Variants in LRP2 observed in about 807,000 individuals in gnomAD.
LRP2 encodes the protein LDL receptor related protein 2, also known as low-density lipoprotein receptor-related protein 2.
Under a neutral mutation model 531.0 loss-of-function variants are expected in LRP2, and 172 were observed. That is an observed-to-expected ratio of 0.32 (90% CI 0.29 to 0.37). LRP2 has a LOEUF of 0.37. Among genes scored for constraint, LRP2 ranks in the 10% least tolerant of loss-of-function variants. The pLI is 1.00. For missense variants in LRP2, 5,167 were observed against 5,868.3 expected, an observed-to-expected ratio of 0.88 and a Z score of 3.90; for synonymous variants, 1,992 against 2,027.6, an observed-to-expected ratio of 0.98 and a Z score of 0.47.
chr2:169,320,366 A>C (rs1302264634), intron 2 of LRP2, among the ~76,000 whole-genome samples: 3 of 152,220 alleles, frequency 2.0e-5, no homozygotes, highest in Non-Finnish European at 4.4e-5. Context: ...TCCTTTACAT[A>C]AAAATGGACT....
chr2:169,314,436 A>AAT (rs1553513246), intron 3 of LRP2, among the ~76,000 whole-genome samples: 1 of 151,960 alleles, frequency 6.6e-6, no homozygotes, highest in Admixed American at 6.5e-5. Context: ...AAAAAAAAAA[A>AAT]ATATGTAAAA....
chr2:169,295,897 T>C (rs1170891601), intron 4 of LRP2, among the ~76,000 whole-genome samples: 1 of 152,178 alleles, frequency 6.6e-6, no homozygotes, highest in Non-Finnish European at 1.5e-5. Context: ...TTTGTAGTGA[T>C]TATCAGGTCA....
Position 169,256,155 on chromosome 2 carries a change from C to T in LRP2, c.2721G>A (p.Leu907=), listed in dbSNP as rs766111678. 12 of 1,612,886 alleles carry T rather than the reference C, an allele frequency of 7.4e-6. No homozygotes were observed. The African/African-American group carries it at 1.5e-4, about 20-fold the overall frequency. Residue 907 remains leucine (L), a synonymous_variant, in exon 19 of 79, where the codon CTG becomes CTA. Transcript: ENST00000649046. ...GATGTGTCATCTGCTCTATATGGCCCAGTCTTCTTCTGTCTAAACCATCAA... is the reference window on the plus strand; with the variant it reads ...GATGTGTCATCTGCTCTATATGGCCTAGTCTTCTTCTGTCTAAACCATCAA... ...STFDGLDRRR[L]GHIEQMTHPF...
intron 1 of LRP2, among the ~76,000 whole-genome samples, chr2:169,321,211 G>A (rs190961856): frequency 3.7e-4 from 56 of 151,980 alleles, no homozygotes; most frequent in African/African-American, 1.3e-3. Flanking sequence ...TTTTCCTAAG[G>A]AACTAATCAA....
intron 7 of LRP2, among the ~76,000 whole-genome samples, 173 bp downstream of exon 7, chr2:169,292,080 C>T (rs1195478961): frequency 6.6e-6 from 1 of 152,138 alleles, no homozygotes; most frequent in Non-Finnish European, 1.5e-5. Flanking sequence ...GAGAAGTTAG[C>T]GCAGTCACCT....
At position 169,213,642 on chromosome 2, in the gene LRP2, G is replaced by A. The variant is rs17848168; in HGVS notation, c.6040+15C>T. ...ATTATACACCCATGAATGTATTTCA[G>A]TGACAAATACTTACTGCGTCTGTGA... On this transcript the variant is annotated intron_variant, in intron 36 of 78. Transcript: ENST00000649046. 0.033 allele frequency: 53,233 copies of A among 1,592,960 alleles called. 1,233 individuals are homozygous for A. Among genetic ancestry groups the A allele is most frequent in the South Asian group, 0.077 (7,013 of 90,612 alleles).
chr2:169,355,337 C>T (rs560455338), intron 1 of LRP2, among the ~76,000 whole-genome samples: 2 of 152,164 alleles, frequency 1.3e-5, no homozygotes, highest in Non-Finnish European at 2.9e-5. Flanking sequence ...TCTTCACATA[C>T]AAAATGAAAA....
chr2:169,303,182 A>G (rs1684328506), intron 4 of LRP2, among the ~76,000 whole-genome samples: 2 of 152,182 alleles, frequency 1.3e-5, no homozygotes, highest in South Asian at 4.1e-4. Context: ...CTTCTTTTGT[A>G]TATGTTAAAA....
chr2:169,148,024 G>T lies in LRP2; in HGVS notation c.12591-1065C>A, dbSNP rs145909165. Among the ~76,000 whole-genome samples the T allele has an allele frequency of 6.5e-3, 983 of 152,198 alleles. 10 individuals are homozygous for T. The highest frequency in any genetic ancestry group is 0.022 in the African/African-American group (903 of 41,514). ...TATTTGGCCCACCAGCCGCTGCTTT[G>T]CAGCCTGTAGTCTAAACCAGTCATC... On this transcript the variant is annotated intron_variant, in intron 68 of 78. Transcript: ENST00000649046.
intron 75 of LRP2, among the ~76,000 whole-genome samples, chr2:169,138,294 A>G (rs1341220777): frequency 6.6e-6 from 1 of 152,196 alleles, no homozygotes; most frequent in East Asian, 1.9e-4. Flanking sequence ...ACCACCCTCA[A>G]AAAAACCAGA....
At chr2:169,359,782 A>G (rs1039963902) in intron 1 of LRP2, among the ~76,000 whole-genome samples, 3 of 152,152 alleles carry the variant, frequency 2.0e-5, no homozygotes, top group Non-Finnish European at 4.4e-5. Context: ...GGGAACCTCA[A>G]ACATGGACAG....
chr2:169,237,259 T>A lies in LRP2; in HGVS notation c.4535A>T (p.Glu1512Val). The change falls in exon 28 of 79, where the codon GAA becomes GTA. Residue 1512 changes from glutamate (E) to valine (V), a missense_variant. Glu to Val is a moderately radical substitution (Grantham distance 121). Coordinates refer to ENST00000649046, the MANE Select transcript of LRP2 (RefSeq NM_004525.3). Reference protein sequence around the residue: ...VVFDSSIILTETIAIDWVGRN... With the variant: ...VVFDSSIILTVTIAIDWVGRN... ...ACCTACCCAATCTATTGCAATAGTT[T>A]CAGTCAAGATGATGCTACTGTCAAA... 6.2e-7 allele frequency: 1 copy of A among 1,613,788 alleles called. No homozygotes were observed. Among genetic ancestry groups the A allele is most frequent in the Non-Finnish European group, 8.5e-7 (1 of 1,179,804 alleles).
At chr2:169,178,157 C>A in intron 52 of LRP2, 131 bp from the exon 53 acceptor site, 1 of 713,510 alleles carries the variant, frequency 1.4e-6, no homozygotes. Context: ...ATCCTCAAAA[C>A]TCCTAGTCTT....
intron 16 of LRP2, among the ~76,000 whole-genome samples, chr2:169,263,193 T>G (rs1419735287): frequency 6.6e-6 from 1 of 152,092 alleles, no homozygotes; most frequent in East Asian, 1.9e-4. Flanking sequence ...GGGCAAAGAC[T>G]TCATGTCTAA....
chr2:169,216,222 A>G (rs1304695811), intron 35 of LRP2, 31 bp downstream of exon 35: 1 of 1,610,922 alleles, frequency 6.2e-7, no homozygotes, highest in Non-Finnish European at 8.5e-7. Flanking sequence ...AGCTCAGCAT[A>G]AAGACCAAAA....
intron 15 of LRP2, chr2:169,271,846 G>A (rs1683426555): frequency 5.3e-6 from 1 of 189,370 alleles, no homozygotes; most frequent in African/African-American, 2.4e-5. Context: ...TGAAAGCAGG[G>A]AAGGAAGGGG....
At chr2:169,132,757 C>A (rs1685341363) in intron 76 of LRP2, 76 bp from the exon 77 acceptor site, 1 of 800,848 alleles carries the variant, frequency 1.2e-6, no homozygotes, top group Non-Finnish European at 2.2e-6. Flanking sequence ...AAGTTTGTAC[C>A]AACTCTGGCT....
chr2:169,184,863 G>A lies in LRP2; in HGVS notation c.9845+640C>T, dbSNP rs1166538192. On this transcript the variant is annotated intron_variant, in intron 50 of 78. Coordinates refer to ENST00000649046, the MANE Select transcript of LRP2 (RefSeq NM_004525.3). The stretch of plus-strand genomic sequence containing the variant: ...GCAACCTGCATCTCCTGGGCTTAAG[G>A]GATCCTCCTACCTCAGCCTCATGAG... 2.6e-5 allele frequency among the ~76,000 whole-genome samples: 4 copies of A among 152,078 alleles called. No homozygotes were observed. The East Asian group carries it at 7.7e-4, about 29-fold the overall frequency.
intron 1 of LRP2, among the ~76,000 whole-genome samples, chr2:169,323,388 C>T (rs1221304007): frequency 6.6e-6 from 1 of 152,156 alleles, no homozygotes; most frequent in Non-Finnish European, 1.5e-5. Context: ...AAATGCTTCA[C>T]TGGCCTCAGA....
Sources: gnomAD v4.1 joint callset for allele counts (sites outside exome capture counted in the v4.1 genomes callset) on GRCh38, gnomAD v4.1.1 for gene constraint, MANE v1.5 for transcripts, NCBI Gene and HGNC (gene_info 2026-07-23, HGNC 2026-07-21) for gene names.